MLC1: variants seen among roughly 807,000 people sequenced by gnomAD.
MLC1 encodes the protein modulator of VRAC current 1, also known as membrane protein MLC1.
In MLC1, 32 loss-of-function variants were observed where a neutral mutation model predicts 44.7. The observed-to-expected ratio is 0.72, with a 90% CI of 0.54 to 0.96. MLC1 has a LOEUF of 0.96. MLC1 is among the 40% of genes least tolerant of loss of function. The pLI is 0.00. For missense variants in MLC1, 459 were observed against 492.2 expected, an observed-to-expected ratio of 0.93 and a Z score of 0.64; for synonymous variants, 190 against 213.0, an observed-to-expected ratio of 0.89 and a Z score of 0.94.
intron 9 of MLC1, 106 bp from the exon 10 acceptor site, chr22:50,068,661 A>G: frequency 7.9e-7 from 1 of 1,272,904 alleles, no homozygotes; most frequent in Non-Finnish European, 1.1e-6. Flanking sequence ...ACTCATGGGC[A>G]TAGTCCCAAG....
At chr22:50,081,921 G>A (rs983239541) in intron 3 of MLC1, among the ~76,000 whole-genome samples, 10 of 152,372 alleles carry the variant, frequency 6.6e-5, no homozygotes, top group East Asian at 1.9e-4. Flanking sequence ...TAAAGGCCAC[G>A]GAGAAGCTTC....
intron 4 of MLC1, 67 bp from the exon 5 acceptor site, chr22:50,080,086 C>T (rs2062082132): frequency 7.7e-7 from 1 of 1,301,264 alleles, no homozygotes; most frequent in Non-Finnish European, 1.1e-6. Context: ...ACAGATAAAC[C>T]ACACTTCAGG....
In MLC1 at chr22:50,074,220, A is replaced by T. The variant is rs765967624; in HGVS notation, c.710T>A (p.Val237Glu). 1.4e-5 allele frequency: 22 copies of T among 1,612,510 alleles called. No individual in the cohort carries two copies. Among genetic ancestry groups the T allele is most frequent in the Non-Finnish European group, 1.8e-5 (21 of 1,179,404 alleles). The change falls in exon 8 of 12, where the codon GTG becomes GAG. Residue 237 changes from valine to glutamate, a missense_variant. Val to Glu is a moderately radical substitution (Grantham distance 121). Coordinates refer to ENST00000311597, the MANE Select transcript of MLC1 (RefSeq NM_015166.4). Reference protein sequence around the residue: ...HLSVTFFWILVACFPSAIASH... With the variant: ...HLSVTFFWILEACFPSAIASH... Reference sequence around the variant, plus strand: ...CGGGCCAGAGGGGTTACTCACGGCCACTAGGATCCAAAAGAACGTCACTGA... The same window carrying T: ...CGGGCCAGAGGGGTTACTCACGGCCTCTAGGATCCAAAAGAACGTCACTGA...
Position 50,073,052 on chromosome 22 carries a change from C to T in MLC1, c.714+1164G>A, listed in dbSNP as rs568687936. Among the ~76,000 whole-genome samples, 180 of 152,094 alleles carry T rather than the reference C, an allele frequency of 1.2e-3. 1 individual carries two copies. Among genetic ancestry groups the T allele is most frequent in the African/African-American group, 4.2e-3 (174 of 41,512 alleles). ...GCAGTCCACCCGGCCACACCGTTCC[C>T]GGGCAGGCGTGGGCCCCTTCTCCGC... On this transcript the variant is annotated intron_variant, in intron 8 of 11. Coordinates refer to ENST00000311597, the MANE Select transcript of MLC1 (RefSeq NM_015166.4).
rs2062080313 is a variant in MLC1 at position 50,080,008 on chromosome 22, A to G, written c.333T>C (p.Phe111=). 1 of 1,613,542 alleles carries G rather than the reference A, an allele frequency of 6.2e-7. No homozygotes were observed. The highest frequency in any genetic ancestry group is 1.3e-5 in the African/African-American group (1 of 74,942). Residue 111 remains phenylalanine, a synonymous_variant, in exon 5 of 12, where the codon TTT becomes TTC. Transcript: ENST00000311597. ...CAAACGTGGAAACAAACAATATCTG[A>G]AAGTTGGGAATCTGAAAAACAAGGC... is the stretch of plus-strand genomic sequence containing the variant. The part of the protein sequence containing the change: ...SRRNANVIPN[F]QILFVSTFAV...
chr22:50,083,249 T>C lies in MLC1; in HGVS notation c.178-76A>G. Reference sequence around the variant, plus strand: ...TGGACCCTGACCCTTCAACTTCTGCTTCACTGTCTGTGTATTGGTGACTCA... The same window carrying C: ...TGGACCCTGACCCTTCAACTTCTGCCTCACTGTCTGTGTATTGGTGACTCA... On this transcript the variant is annotated intron_variant, in intron 2 of 11. Transcript: ENST00000311597. This position sits in a 1 kb window ranked among gnomAD's most constrained non-coding sequence, Gnocchi z 4.6. 1.1e-5 allele frequency: 15 copies of C among 1,339,926 alleles called. No individual in the cohort carries two copies. Among genetic ancestry groups the C allele is most frequent in the Non-Finnish European group, 1.6e-5 (15 of 936,532 alleles). 83.0% of individuals were successfully genotyped at this position (1,339,926 alleles called of 1,614,324 possible). A position where few individuals can be genotyped will look rare whatever the true frequency, so the allele number is the denominator to read the frequency against.
chr22:50,065,253 T>C lies in MLC1; in HGVS notation c.895-1055A>G, dbSNP rs2061678675. 1.3e-5 allele frequency among the ~76,000 whole-genome samples: 2 copies of C among 152,150 alleles called. 1 individual carries two copies. Among genetic ancestry groups the C allele is most frequent in the Admixed American group, 1.3e-4 (2 of 15,272 alleles). ...AGTAATTATTAGAAAGTCTGGTACT[T>C]GTGTTCCCAGCTGGAGTTTACCCTG... On this transcript the variant is annotated intron_variant, in intron 10 of 11. Coordinates refer to ENST00000311597, the MANE Select transcript of MLC1 (RefSeq NM_015166.4).
At chr22:50,069,082 G>A (rs1011765404) in intron 9 of MLC1, among the ~76,000 whole-genome samples, 2 of 150,182 alleles carry the variant, frequency 1.3e-5, no homozygotes, top group African/African-American at 2.5e-5. Context: ...GCAGGAGTGC[G>A]GTGGCACAAT....
chr22:50,082,518 C>T (rs2062171739), intron 3 of MLC1, among the ~76,000 whole-genome samples: 1 of 152,270 alleles, frequency 6.6e-6, no homozygotes, highest in African/African-American at 2.4e-5. Flanking sequence ...CCAGCTCTGG[C>T]AGGACGCAGC....
intron 3 of MLC1, among the ~76,000 whole-genome samples, chr22:50,080,787 G>T (rs1569250618): frequency 6.6e-6 from 1 of 152,100 alleles, no homozygotes; most frequent in African/African-American, 2.4e-5. Flanking sequence ...GGCTCTTCTA[G>T]CTGGATAAGC....
At chr22:50,077,586 G>C in intron 5 of MLC1, 84 bp from the exon 6 acceptor site, 1 of 1,076,006 alleles carries the variant, frequency 9.3e-7, no homozygotes, top group South Asian at 1.3e-5. Flanking sequence ...CACCTCACGG[G>C]CAGGCTGCGC....
chr22:50,076,499 G>T (rs1424309025), intron 7 of MLC1, among the ~76,000 whole-genome samples: 3 of 151,776 alleles, frequency 2.0e-5, no homozygotes, highest in Non-Finnish European at 4.4e-5. Flanking sequence ...AGGTGGCGGT[G>T]AGCTGAGATA....
At position 50,083,877 on chromosome 22, in the gene MLC1, G is replaced by A. The variant is rs1295033323; in HGVS notation, c.178-704C>T. ...GGGGAGGGGCTGCGACCAAGTCCAG[G>A]GCACCAGGTGGAGGAGGGCAGAGCC... On this transcript the variant is annotated intron_variant, in intron 2 of 11. Transcript: ENST00000311597. This position sits in a 1 kb window ranked among gnomAD's most constrained non-coding sequence, Gnocchi z 4.6. 1.3e-5 allele frequency among the ~76,000 whole-genome samples: 2 copies of A among 152,126 alleles called. No individual in the cohort carries two copies. The highest frequency in any genetic ancestry group is 2.9e-5 in the Non-Finnish European group (2 of 68,010).
rs2061533214 is a variant in MLC1, at chr22:50,060,125, C to T, written c.*1458G>A. ...CCATGGGGGACCAGTCAATACACCC[C>T]ACGGCGGTGAAGAGAAAACGTTCAT... On this transcript the variant is annotated 3_prime_UTR_variant, in exon 12 of 12. Transcript: ENST00000311597. 1 of 152,380 alleles carries T rather than the reference C, an allele frequency of 6.6e-6. No homozygotes were observed. Among genetic ancestry groups the T allele is most frequent in the African/African-American group, 2.4e-5 (1 of 41,456 alleles). 9.4% of individuals were successfully genotyped at this position (152,380 alleles called of 1,614,324 possible).
In MLC1 at chr22:50,059,667, A is replaced by C. The variant is rs2146725412; in HGVS notation, c.*1916T>G. The stretch of plus-strand genomic sequence containing the variant: ...CAGACCCCGCCAGCCTCAAAGCTGC[A>C]GGGAGGTGGGGGTGGCCTGCAGACA... On this transcript the variant is annotated 3_prime_UTR_variant, in exon 12 of 12. Transcript: ENST00000311597. 1 of 152,438 alleles carries C rather than the reference A, an allele frequency of 6.6e-6. No homozygotes were observed. The highest frequency in any genetic ancestry group is 3.4e-3 in the Middle Eastern group (1 of 294). The allele number at this position is 152,438 out of a possible 1,614,324, so 9.4% of individuals were successfully genotyped here. A position where few individuals can be genotyped will look rare whatever the true frequency, so the allele number is the denominator to read the frequency against.
chr22:50,077,782 CA>C (rs879933836), intron 5 of MLC1, among the ~76,000 whole-genome samples: 1 of 152,164 alleles, frequency 6.6e-6, no homozygotes, highest in Non-Finnish European at 1.5e-5. Flanking sequence ...CTACCGACCC[CA>C]TTCTGAACGC....
chr22:50,068,576 G>A, intron 9 of MLC1, 21 bp from the exon 10 acceptor site: 1 of 1,544,750 alleles, frequency 6.5e-7, no homozygotes, highest in Non-Finnish European at 8.8e-7. Context: ...AGCGCGGGTT[G>A]CAGGACCACG....
chr22:50,068,184 G>C (rs920701202), intron 10 of MLC1, among the ~76,000 whole-genome samples: 1 of 152,244 alleles, frequency 6.6e-6, no homozygotes, highest in African/African-American at 2.4e-5. Context: ...CTCAGGGACA[G>C]AGTGGGTCCC....
At chr22:50,062,701 G>A (rs964469459) in intron 11 of MLC1, among the ~76,000 whole-genome samples, 5 of 152,256 alleles carry the variant, frequency 3.3e-5, no homozygotes, top group Non-Finnish European at 5.9e-5. Flanking sequence ...CGGCCGGTCC[G>A]CCCAGGATGG....
Sources: gnomAD v4.1 joint callset for allele counts (sites outside exome capture counted in the v4.1 genomes callset) on GRCh38, gnomAD v4.1.1 for gene constraint, Gnocchi (gnomAD v3.1) non-coding constraint, MANE v1.5 for transcripts, NCBI Gene and HGNC (gene_info 2026-07-23, HGNC 2026-07-21) for gene names.